Variants in EFCAB6 observed in about 807,000 individuals in gnomAD.
The protein encoded by EFCAB6 is EF-hand calcium binding domain 6.
A neutral mutation model predicts 169.8 loss-of-function variants in EFCAB6; 156 were observed. The observed-to-expected ratio is 0.92, with a 90% CI of 0.81 to 1.05. The LOEUF is 1.05. EFCAB6 is among the 50% of genes least tolerant of loss of function. The pLI, the probability that EFCAB6 is intolerant of heterozygous loss-of-function variation, is 0.00. For synonymous variants in EFCAB6, 698 were observed against 676.4 expected (o/e 1.03, Z -0.50); for missense variants, 1,800 against 1,829.1 (o/e 0.98, Z 0.29).
At chr22:43,737,652 ATCAT>A in intron 6 of EFCAB6, among the ~76,000 whole-genome samples, 1 of 142,560 alleles carries the variant, frequency 7.0e-6, no homozygotes, top group African/African-American at 2.6e-5. Context: ...CACACACACC[ATCAT>A]TCACACACAC....
At chr22:43,796,518 C>T (rs1325881686) in intron 2 of EFCAB6, among the ~76,000 whole-genome samples, 1 of 152,088 alleles carries the variant, frequency 6.6e-6, no homozygotes, top group Non-Finnish European at 1.5e-5. Flanking sequence ...ACTATTACCT[C>T]ATGAATATCA....
intron 27 of EFCAB6, among the ~76,000 whole-genome samples, chr22:43,544,413 A>G (rs1444081885): frequency 2.0e-5 from 3 of 152,274 alleles, no homozygotes; most frequent in African/African-American, 2.4e-5. Context: ...GGGCAGCTAG[A>G]AGGTACTGTG....
rs141797586 is a variant in EFCAB6, at chr22:43,647,877, G to A, written c.1984-12661C>T. Among the ~76,000 whole-genome samples the A allele has an allele frequency of 1.8e-3, 275 of 152,296 alleles. 1 individual carries two copies. The highest frequency in any genetic ancestry group is 6.4e-3 in the African/African-American group (268 of 41,570). ...TGGGAGCTGGGAGAAACAATGCAGC[G>A]TGCTCCCAGAGCCAGCAGATGAGAG... On this transcript the variant is annotated intron_variant, in intron 17 of 31. Transcript: ENST00000262726.
In EFCAB6 at chr22:43,530,918, C is replaced by T. The variant is rs141167337; in HGVS notation, c.4280G>A (p.Arg1427His). The stretch of plus-strand genomic sequence containing the variant: ...GCAGTGCACAATTTTGGGCTGAATA[C>T]GCAGCAGAGCAGAGTAAAAAGATGG... ...ETPSFYSALL[R>H]IQPKIVHCWR... Residue 1427 changes from arginine to histidine, a missense_variant, in exon 31 of 32, where the codon CGT becomes CAT. Transcript: ENST00000262726. 4.4e-5 allele frequency: 71 copies of T among 1,614,078 alleles called. No individual in the cohort carries two copies. The highest frequency in any genetic ancestry group is 3.7e-5 in the Non-Finnish European group (44 of 1,180,048).
chr22:43,645,590 T>TA (rs2148010879), intron 17 of EFCAB6, among the ~76,000 whole-genome samples: 1 of 152,352 alleles, frequency 6.6e-6, no homozygotes, highest in South Asian at 2.1e-4. Flanking sequence ...AACAATTGCA[T>TA]ACCCATATTT....
chr22:43,717,373 T>TAA (rs781138426), intron 8 of EFCAB6, among the ~76,000 whole-genome samples: 5 of 128,876 alleles, frequency 3.9e-5, no homozygotes, highest in African/African-American at 1.1e-4. Flanking sequence ...TTTTGTTTGG[T>TAA]AAAAAAAAAA....
In EFCAB6 at chr22:43,534,877, A is replaced by G. The variant is rs1319552655; in HGVS notation, c.4049-5T>C. The G allele has an allele frequency of 6.3e-7, 1 of 1,594,290 alleles. No homozygotes were observed. The highest frequency in any genetic ancestry group is 1.4e-5 in the African/African-American group (1 of 73,912). ...GGTTGAATTTCTCCACAAGAGCTAC[A>G]GAAAAAAATGGCAGTTCAATTGGTG... is the stretch of plus-strand genomic sequence containing the variant. On this transcript the variant is annotated splice_region_variant and splice_polypyrimidine_tract_variant and intron_variant, in intron 29 of 31. Transcript: ENST00000262726.
intron 8 of EFCAB6, among the ~76,000 whole-genome samples, chr22:43,721,552 G>A (rs1411100691): frequency 2.0e-5 from 3 of 152,058 alleles, no homozygotes; most frequent in Non-Finnish European, 4.4e-5. Context: ...CAGACACATA[G>A]GCAAATGGAA....
intron 21 of EFCAB6, among the ~76,000 whole-genome samples, chr22:43,614,723 C>T (rs2053575245): frequency 6.6e-6 from 1 of 152,194 alleles, no homozygotes; most frequent in Non-Finnish European, 1.5e-5. Context: ...CCATAGAGTA[C>T]ACAATACAGA....
At chr22:43,649,488 C>T (rs2148043656) in intron 17 of EFCAB6, among the ~76,000 whole-genome samples, 1 of 152,124 alleles carries the variant, frequency 6.6e-6, no homozygotes, top group East Asian at 1.9e-4. Context: ...AAATAGATAA[C>T]ATGTTTAAAA....
chr22:43,617,842 G>A (rs946016549), intron 20 of EFCAB6, among the ~76,000 whole-genome samples: 12 of 152,004 alleles, frequency 7.9e-5, no homozygotes, highest in Non-Finnish European at 7.4e-5. Context: ...AGTGGCTCAC[G>A]CCTGTAATCC....
At chr22:43,634,649 T>C (rs2055242513) in intron 18 of EFCAB6, among the ~76,000 whole-genome samples, 1 of 113,862 alleles carries the variant, frequency 8.8e-6, no homozygotes, top group Admixed American at 1.1e-4. Context: ...TGCACAAAGA[T>C]GGGTTTCCTA....
intron 8 of EFCAB6, among the ~76,000 whole-genome samples, chr22:43,726,071 C>A (rs1260802618): frequency 5.3e-5 from 8 of 151,934 alleles, no homozygotes; most frequent in Non-Finnish European, 1.2e-4. Flanking sequence ...GGATATATAG[C>A]TTACATTGGA....
At chr22:43,784,665 A>ACATATATATGTATATG (rs1222270497) in intron 2 of EFCAB6, among the ~76,000 whole-genome samples, 1 of 74,212 alleles carries the variant, frequency 1.3e-5, no homozygotes, top group Non-Finnish European at 2.5e-5. Context: ...GTATATATAC[A>ACATATATATGTATATG]TATACATATA....
At chr22:43,581,080 C>G (rs1356408484) in intron 24 of EFCAB6, among the ~76,000 whole-genome samples, 2 of 152,166 alleles carry the variant, frequency 1.3e-5, no homozygotes, top group Non-Finnish European at 2.9e-5. Flanking sequence ...ATAAATCTGA[C>G]AGCGGCTCAA....
intron 17 of EFCAB6, among the ~76,000 whole-genome samples, chr22:43,656,710 A>G (rs1353949195): frequency 6.6e-6 from 1 of 151,910 alleles, no homozygotes; most frequent in African/African-American, 2.4e-5. Context: ...AGGAGGCTAT[A>G]GCACCTAGGT....
intron 10 of EFCAB6, among the ~76,000 whole-genome samples, chr22:43,706,814 A>AAC (rs1486942819): frequency 1.3e-5 from 2 of 152,210 alleles, no homozygotes; most frequent in Non-Finnish European, 2.9e-5. Context: ...TATAAAAGGC[A>AAC]TTGCTAACTT....
At chr22:43,787,847 A>G (rs1210809847) in intron 2 of EFCAB6, among the ~76,000 whole-genome samples, 3 of 152,238 alleles carry the variant, frequency 2.0e-5, no homozygotes, top group Admixed American at 6.5e-5. Context: ...TCCCGATTTC[A>G]AAACTTAATA....
chr22:43,780,471 A>G (rs1013664276), intron 3 of EFCAB6, among the ~76,000 whole-genome samples: 4 of 124,270 alleles, frequency 3.2e-5, no homozygotes, highest in Non-Finnish European at 6.4e-5. Context: ...TGGATGACAG[A>G]GTAAGACTCT....
Sources: gnomAD v4.1 joint callset for allele counts (sites outside exome capture counted in the v4.1 genomes callset) on GRCh38, gnomAD v4.1.1 for gene constraint, MANE v1.5 for transcripts, NCBI Gene and HGNC (gene_info 2026-07-23, HGNC 2026-07-21) for gene names.